Variants in CCNY observed in about 807,000 individuals in gnomAD.
CCNY encodes the protein cyclin Y, also known as cyclin-Y.
In CCNY, 19 loss-of-function variants were observed where a neutral mutation model predicts 42.8. The observed-to-expected ratio is 0.44, with a 90% CI of 0.31 to 0.65. The LOEUF (loss-of-function observed/expected upper bound fraction) is 0.65, where lower values mean the gene tolerates loss of function less well. Ranked by LOEUF, CCNY falls within the 30% of genes least tolerant of loss-of-function variation. The pLI is 0.07. For synonymous variants in CCNY, 165 were observed against 162.7 expected, an observed-to-expected ratio of 1.01 and a Z score of -0.11; for missense variants, 370 against 437.3, an observed-to-expected ratio of 0.85 and a Z score of 1.37.
chr10:35,552,857 C>A (rs1308246209), intron 7 of CCNY, among the ~76,000 whole-genome samples, 162 bp from the exon 8 acceptor site: 1 of 152,194 alleles, frequency 6.6e-6, no homozygotes, highest in Non-Finnish European at 1.5e-5. Flanking sequence ...GCCCACGTTT[C>A]ATCAGACTCA....
intron 1 of CCNY, among the ~76,000 whole-genome samples, chr10:35,354,083 A>G (rs1408678588): frequency 1.3e-5 from 2 of 152,080 alleles, no homozygotes; most frequent in Non-Finnish European, 2.9e-5. Flanking sequence ...TTCCTGCCAC[A>G]CTGGCCTCTC....
chr10:35,424,168 A>G (rs1287784020), intron 1 of CCNY, among the ~76,000 whole-genome samples: 2 of 152,218 alleles, frequency 1.3e-5, no homozygotes, highest in Non-Finnish European at 2.9e-5. Flanking sequence ...GAGTCAGTAT[A>G]CCTTAGAGCA....
intron 1 of CCNY, among the ~76,000 whole-genome samples, chr10:35,380,870 C>T (rs568851025): frequency 3.3e-5 from 5 of 152,304 alleles, no homozygotes; most frequent in African/African-American, 7.2e-5. Context: ...CTCACTCCTT[C>T]GTTGTTTCTT....
chr10:35,502,301 T>C (rs1015722147), intron 3 of CCNY, among the ~76,000 whole-genome samples: 1 of 152,216 alleles, frequency 6.6e-6, no homozygotes, highest in African/African-American at 2.4e-5. Context: ...GTGTAAATTA[T>C]CAAAATAAGT....
At chr10:35,566,438 G>T (rs775761844) in intron 9 of CCNY, among the ~76,000 whole-genome samples, 1 of 152,160 alleles carries the variant, frequency 6.6e-6, no homozygotes, top group South Asian at 2.1e-4. Context: ...TCTGCCTCCC[G>T]AGTTAAAGCA....
Position 35,359,158 on chromosome 10 carries a change from C to T in CCNY, c.154+21951C>T, listed in dbSNP as rs115877105. ...ACTTGTAGTGTGACTGATGTCTCCACATAACAGATAATCACATCACCTCTC... is the reference window on the plus strand; with the variant it reads ...ACTTGTAGTGTGACTGATGTCTCCATATAACAGATAATCACATCACCTCTC... On this transcript the variant is annotated intron_variant, in intron 1 of 9. Transcript: ENST00000374704. Among the ~76,000 whole-genome samples, 370 of 152,342 alleles carry T rather than the reference C, an allele frequency of 2.4e-3. 1 individual carries two copies. Among genetic ancestry groups the T allele is most frequent in the African/African-American group, 8.5e-3 (352 of 41,578 alleles).
intron 1 of CCNY, among the ~76,000 whole-genome samples, chr10:35,356,206 C>T (rs1836546537): frequency 6.6e-6 from 1 of 152,132 alleles, no homozygotes; most frequent in Non-Finnish European, 1.5e-5. Flanking sequence ...TCAGAAGAAT[C>T]CTGTGAAACC....
chr10:35,512,741 C>T (rs1034301720), intron 3 of CCNY, among the ~76,000 whole-genome samples: 21 of 152,008 alleles, frequency 1.4e-4, no homozygotes, highest in Admixed American at 2.6e-4. Context: ...GTTGAGGGGA[C>T]GCTGTCTGGT....
At position 35,553,013 on chromosome 10, in the gene CCNY, T is replaced by G; in HGVS notation, c.580-6T>G. On this transcript the variant is annotated splice_polypyrimidine_tract_variant and splice_region_variant and intron_variant, in intron 7 of 9. Coordinates refer to ENST00000374704, the MANE Select transcript of CCNY (RefSeq NM_145012.6). ...ACTTAGCTCTGGCATTGTCTTGTCT[T>G]CCCAGGTGTACCTTGAAAGACTTTT... The G allele has an allele frequency of 6.2e-7, 1 of 1,613,106 alleles. No homozygotes were observed. Among genetic ancestry groups the G allele is most frequent in the Non-Finnish European group, 8.5e-7 (1 of 1,179,104 alleles).
chr10:35,558,213 T>A lies in CCNY; in HGVS notation c.746+5028T>A, dbSNP rs376243483. Reference sequence around the variant, plus strand: ...CCTTTCCTGGGTTCCTCAGAGGGAGTTCCCCCTGAGGCAGTGAACCTTAGT... The same window carrying A: ...CCTTTCCTGGGTTCCTCAGAGGGAGATCCCCCTGAGGCAGTGAACCTTAGT... On this transcript the variant is annotated intron_variant, in intron 8 of 9. Transcript: ENST00000374704. 2.2e-4 allele frequency among the ~76,000 whole-genome samples: 34 copies of A among 152,218 alleles called. 2 individuals carry two copies. The South Asian group carries it at 6.6e-3, about 30-fold the overall frequency.
intron 1 of CCNY, among the ~76,000 whole-genome samples, chr10:35,349,029 C>T (rs1404871179): frequency 6.6e-6 from 1 of 151,922 alleles, no homozygotes; most frequent in Admixed American, 6.6e-5. Context: ...CCAACCAAAC[C>T]AGGTTGAAAA....
At chr10:35,446,376 T>A (rs1838790434) in intron 1 of CCNY, among the ~76,000 whole-genome samples, 1 of 152,240 alleles carries the variant, frequency 6.6e-6, no homozygotes, top group Non-Finnish European at 1.5e-5. Context: ...TGGACACACA[T>A]GCTCAGTGAA....
intron 3 of CCNY, among the ~76,000 whole-genome samples, chr10:35,293,417 G>C (rs995145604): frequency 1.3e-5 from 2 of 152,094 alleles, no homozygotes. Context: ...TTTTGTTCTT[G>C]TTTTTCCAGA....
upstream of CCNY, among the ~76,000 whole-genome samples, chr10:35,333,341 C>T (rs1055651250): frequency 6.6e-6 from 1 of 152,192 alleles, no homozygotes; most frequent in Admixed American, 6.5e-5. Flanking sequence ...CTGCATATGG[C>T]TACTCCTCAA....
At chr10:35,335,317 G>T (rs1286251594), upstream of CCNY, among the ~76,000 whole-genome samples, 1 of 151,922 alleles carries the variant, frequency 6.6e-6, no homozygotes. Flanking sequence ...GACAAAACCC[G>T]ATGGCATTCT....
At chr10:35,397,292 C>T (rs900576654) in intron 1 of CCNY, among the ~76,000 whole-genome samples, 1 of 152,216 alleles carries the variant, frequency 6.6e-6, no homozygotes, top group Admixed American at 6.5e-5. Flanking sequence ...CCTACTTACC[C>T]CATGTCATTA....
In CCNY at chr10:35,550,274, G is replaced by A. The variant is rs186520713; in HGVS notation, c.580-2745G>A. 2.9e-4 allele frequency among the ~76,000 whole-genome samples: 35 copies of A among 119,504 alleles called. No homozygotes were observed. The East Asian group carries it at 5.6e-3, about 19-fold the overall frequency. 78.4% of individuals were successfully genotyped at this position (119,504 alleles called of 152,430 possible). A position where few individuals can be genotyped will look rare whatever the true frequency, so the allele number is the denominator to read the frequency against. On this transcript the variant is annotated intron_variant, in intron 7 of 9. Transcript: ENST00000374704. ...CATGACCCTGTGCTGCTCATAGTCCGTGACCCTACAGTGCTTGTGACCCTG... is the reference window on the plus strand; with the variant it reads ...CATGACCCTGTGCTGCTCATAGTCCATGACCCTACAGTGCTTGTGACCCTG...
At chr10:35,519,287 A>C (rs573266223) in intron 4 of CCNY, among the ~76,000 whole-genome samples, 1 of 150,818 alleles carries the variant, frequency 6.6e-6, no homozygotes, top group South Asian at 2.1e-4. Flanking sequence ...TTTTTAACAG[A>C]TCTTGATTGA....
At chr10:35,512,948 T>C (rs1840352691) in intron 3 of CCNY, among the ~76,000 whole-genome samples, 1 of 152,200 alleles carries the variant, frequency 6.6e-6, no homozygotes, top group Non-Finnish European at 1.5e-5. Context: ...TATGTTTGTG[T>C]GTGCATGTAC....
Sources: allele counts gnomAD v4.1 joint callset (sites outside exome capture counted in the v4.1 genomes callset), GRCh38; gene constraint gnomAD v4.1.1; transcripts MANE v1.5; gene names NCBI Gene and HGNC (gene_info 2026-07-23, HGNC 2026-07-21).